XRCC4: variants seen among roughly 807,000 people sequenced by gnomAD.
The protein encoded by XRCC4 is DNA repair protein XRCC4.
XRCC4 carries 28 observed loss-of-function variants against 39.1 expected under a neutral mutation model. That is an observed-to-expected ratio of 0.72 (90% CI 0.53 to 0.98). XRCC4 has a LOEUF of 0.98. Among genes scored for constraint, XRCC4 ranks in the 50% least tolerant of loss-of-function variants. XRCC4 has a pLI of 0.00. For synonymous variants in XRCC4, 123 were observed against 126.4 expected (o/e 0.97, Z 0.18); for missense variants, 350 against 376.4 (o/e 0.93, Z 0.58).
chr5:83,202,499 A>C (rs1580364624), intron 4 of XRCC4, among the ~76,000 whole-genome samples: 1 of 152,168 alleles, frequency 6.6e-6, no homozygotes, highest in East Asian at 1.9e-4. Context: ...AGATTGTTGA[A>C]AGTTTAAGGG....
intron 3 of XRCC4, among the ~76,000 whole-genome samples, chr5:83,166,630 ATTTTTTT>A (rs549500319): frequency 4.4e-5 from 6 of 135,150 alleles, no homozygotes; most frequent in Admixed American, 3.7e-4. Flanking sequence ...CGCCTAGCTA[ATTTTTTT>A]TTTTTTTTTT....
intron 7 of XRCC4, among the ~76,000 whole-genome samples, chr5:83,271,604 C>T (rs1262693683): frequency 1.3e-5 from 2 of 152,094 alleles, no homozygotes; most frequent in Admixed American, 6.6e-5. Context: ...ACAGTTTTGC[C>T]TTCTGTATTA....
intron 6 of XRCC4, among the ~76,000 whole-genome samples, chr5:83,230,118 G>A (rs72769313): frequency 0.058 from 8,793 of 151,904 alleles, 338 homozygotes; most frequent in South Asian, 0.16. Context: ...TGATTTGGAA[G>A]TGCAGCATTC....
downstream of XRCC4, among the ~76,000 whole-genome samples, chr5:83,358,384 C>CT (rs368884932): frequency 0.032 from 4,826 of 151,926 alleles, 84 homozygotes; most frequent in African/African-American, 0.035. Context: ...CTATTTTCCT[C>CT]TTTTTTTTCT....
intron 3 of XRCC4, among the ~76,000 whole-genome samples, chr5:83,138,785 A>G (rs1382140012): frequency 6.6e-6 from 1 of 152,134 alleles, no homozygotes; most frequent in African/African-American, 2.4e-5. Context: ...ATGATTCAAC[A>G]GCAGTTCAGT....
chr5:83,275,388 G>A (rs1754291935), intron 7 of XRCC4, among the ~76,000 whole-genome samples: 2 of 149,190 alleles, frequency 1.3e-5, no homozygotes, highest in Non-Finnish European at 3.0e-5. Flanking sequence ...TCCGCCTCCC[G>A]GGTTCACGCC....
At chr5:83,239,855 T>C (rs1228978453) in intron 6 of XRCC4, among the ~76,000 whole-genome samples, 1 of 151,376 alleles carries the variant, frequency 6.6e-6, no homozygotes, top group African/African-American at 2.4e-5. Flanking sequence ...TTTTTCCTTT[T>C]GTTTTAAAGT....
intron 6 of XRCC4, among the ~76,000 whole-genome samples, chr5:83,249,340 T>C (rs7727055): frequency 5.1e-4 from 78 of 152,268 alleles, no homozygotes; most frequent in African/African-American, 1.7e-3. Flanking sequence ...CCCATTCGGT[T>C]TTAAAGCTAG....
chr5:83,291,951 C>CTG (rs34789998), intron 7 of XRCC4, among the ~76,000 whole-genome samples: 72,446 of 143,804 alleles, frequency 0.5, 19,660 homozygotes, highest in Non-Finnish European at 0.63. Flanking sequence ...ATGTGTATTT[C>CTG]TGTGTGTGTG....
intron 3 of XRCC4, among the ~76,000 whole-genome samples, chr5:83,157,527 A>G (rs1038493854): frequency 5.9e-5 from 9 of 152,168 alleles, no homozygotes; most frequent in African/African-American, 2.2e-4. Context: ...TTTGAGAAAA[A>G]GAGACCTTGA....
the XRCC4 span, among the ~76,000 whole-genome samples, chr5:83,367,999 T>C: frequency 1.3e-5 from 2 of 151,702 alleles, no homozygotes; most frequent in Non-Finnish European, 2.9e-5. Context: ...AAAACACAGC[T>C]GATGCAAGTG....
intron 6 of XRCC4, among the ~76,000 whole-genome samples, chr5:83,248,491 G>C (rs1417376893): frequency 6.6e-6 from 1 of 152,124 alleles, no homozygotes; most frequent in Non-Finnish European, 1.5e-5. Flanking sequence ...TTTTCAAGAT[G>C]AAGTTTTGAA....
intron 3 of XRCC4, among the ~76,000 whole-genome samples, chr5:83,173,338 A>G (rs969453024): frequency 7.9e-5 from 12 of 152,180 alleles, no homozygotes; most frequent in Non-Finnish European, 1.5e-4. Flanking sequence ...TGAGATTGCT[A>G]TACTTGTGAA....
rs542274155 is a variant in XRCC4, at chr5:83,209,745, A to G, written c.745+4824A>G. 4.6e-5 allele frequency among the ~76,000 whole-genome samples: 7 copies of G among 151,856 alleles called. No individual in the cohort carries two copies. In the East Asian group the frequency reaches 9.6e-4, roughly 21 times the overall value. On this transcript the variant is annotated intron_variant, in intron 6 of 7. Transcript: ENST00000396027. ...GTTATTTCTATGAATAGAGTTGACA[A>G]TATTTATTACAATTATAGGATAATT...
chr5:83,194,526 T>G (rs1333224806), intron 3 of XRCC4, among the ~76,000 whole-genome samples: 1 of 152,196 alleles, frequency 6.6e-6, no homozygotes, highest in Admixed American at 6.5e-5. Flanking sequence ...ATCAACCATA[T>G]TAAATATTTC....
At chr5:83,372,134 G>T in the XRCC4 span, among the ~76,000 whole-genome samples, 1 of 152,108 alleles carries the variant, frequency 6.6e-6, no homozygotes, top group Non-Finnish European at 1.5e-5. Flanking sequence ...AAATTGTGAA[G>T]AGTTATACAT....
intron 3 of XRCC4, among the ~76,000 whole-genome samples, chr5:83,179,731 G>GT (rs1333126279): frequency 2.6e-5 from 4 of 152,154 alleles, no homozygotes; most frequent in African/African-American, 9.7e-5. Flanking sequence ...AGTCAGATTA[G>GT]TCTAATCCTG....
intron 7 of XRCC4, among the ~76,000 whole-genome samples, chr5:83,347,757 T>G (rs533636390): frequency 4.6e-5 from 7 of 152,264 alleles, no homozygotes; most frequent in African/African-American, 1.7e-4. Context: ...TCTTAACTCA[T>G]TCCAGTGTTA....
At chr5:83,345,848 A>T (rs1756902646) in intron 7 of XRCC4, among the ~76,000 whole-genome samples, 1 of 152,194 alleles carries the variant, frequency 6.6e-6, no homozygotes, top group Non-Finnish European at 1.5e-5. Flanking sequence ...TTTTAGAGAA[A>T]CTTTCCCTGG....
Sources: allele counts gnomAD v4.1 joint callset (sites outside exome capture counted in the v4.1 genomes callset), GRCh38; gene constraint gnomAD v4.1.1; transcripts MANE v1.5; gene names NCBI Gene and HGNC (gene_info 2026-07-23, HGNC 2026-07-21).